Variants in PDXDC1 observed in about 807,000 individuals in gnomAD.
PDXDC1 encodes pyridoxal dependent decarboxylase domain containing 1.
Under a neutral mutation model 100.1 loss-of-function variants are expected in PDXDC1, and 42 were observed. That is an observed-to-expected ratio of 0.42 (90% confidence interval 0.33 to 0.54). PDXDC1 has a LOEUF of 0.54. Among genes scored for constraint, PDXDC1 ranks in the 20% least tolerant of loss-of-function variants. The pLI is 0.10. For synonymous variants in PDXDC1, 260 were observed against 371.7 expected (o/e 0.70, Z 3.46); for missense variants, 636 against 979.2 (o/e 0.65, Z 4.68).
intron 3 of PDXDC1, among the ~76,000 whole-genome samples, chr16:15,000,597 G>T (rs1183345104): frequency 6.6e-6 from 1 of 152,292 alleles, no homozygotes; most frequent in African/African-American, 2.4e-5. Flanking sequence ...CCTGTTGCAA[G>T]TTGCCTTGCC....
chr16:15,017,685 C>T (rs1408438558), intron 11 of PDXDC1, among the ~76,000 whole-genome samples: 2 of 152,222 alleles, frequency 1.3e-5, no homozygotes, highest in Non-Finnish European at 2.9e-5. Context: ...AAGCAGTGAA[C>T]GTCTTTCTGT....
chr16:14,980,049 TTATC>T (rs1408951683), intron 1 of PDXDC1, among the ~76,000 whole-genome samples: 1 of 152,300 alleles, frequency 6.6e-6, no homozygotes, highest in Non-Finnish European at 1.5e-5. Flanking sequence ...CTGTAAATGA[TTATC>T]TAATACTGGC....
chr16:15,095,985 G>T (rs949333140), intron 16 of PDXDC1, among the ~76,000 whole-genome samples: 3 of 151,954 alleles, frequency 2.0e-5, no homozygotes, highest in African/African-American at 7.3e-5. Flanking sequence ...AACTGAGGAC[G>T]GAGGATCACT....
At chr16:15,146,711 C>G in the PDXDC1 span, among the ~76,000 whole-genome samples, 1 of 152,156 alleles carries the variant, frequency 6.6e-6, no homozygotes, top group Non-Finnish European at 1.5e-5. Flanking sequence ...CTCTCACCCT[C>G]AGGCTGTTAC....
At chr16:15,085,567 C>G in intron 16 of PDXDC1, 1 of 1,580,916 alleles carries the variant, frequency 6.3e-7, no homozygotes, top group Non-Finnish European at 8.6e-7. Context: ...ATCCTCCCGT[C>G]TTGGCTTCCC....
intron 16 of PDXDC1, chr16:15,104,270 T>C (rs2046679900): frequency 2.7e-5 from 37 of 1,390,026 alleles, no homozygotes; most frequent in Non-Finnish European, 3.4e-5. Flanking sequence ...CAGGCAATCA[T>C]ACCAGATATT....
chr16:15,069,498 T>C (rs1163438919), intron 16 of PDXDC1, among the ~76,000 whole-genome samples: 1 of 152,226 alleles, frequency 6.6e-6, no homozygotes, highest in Non-Finnish European at 1.5e-5. Context: ...CAGATTTGAA[T>C]TATAAGTAAC....
chr16:15,101,926 G>T (rs1424819451), intron 16 of PDXDC1, among the ~76,000 whole-genome samples: 1 of 151,718 alleles, frequency 6.6e-6, no homozygotes, highest in Non-Finnish European at 1.5e-5. Context: ...TTGGCTCACC[G>T]CAACCTCCAC....
intron 3 of PDXDC1, among the ~76,000 whole-genome samples, chr16:14,998,644 T>C (rs1972515380): frequency 6.6e-6 from 1 of 152,286 alleles, no homozygotes; most frequent in Non-Finnish European, 1.5e-5. Context: ...AGATGGGATT[T>C]TGCCATGTTG....
rs1296515903 is a variant in PDXDC1, at chr16:14,984,491, A to T, written c.21+9271A>T. On this transcript the variant is annotated intron_variant, in intron 1 of 22. Transcript: ENST00000396410. Reference sequence around the variant, plus strand: ...TGTGTGTATACATATATATATATATATATATTTTTTTTTTTTTTTTTTCTG... The same window carrying T: ...TGTGTGTATACATATATATATATATTTATATTTTTTTTTTTTTTTTTTCTG... Among the ~76,000 whole-genome samples, 364 of 93,596 alleles carry T rather than the reference A, an allele frequency of 3.9e-3. 3 individuals carry two copies. Among genetic ancestry groups the T allele is most frequent in the African/African-American group, 0.014 (351 of 25,080 alleles). 61.4% of individuals were successfully genotyped at this position (93,596 alleles called of 152,430 possible).
downstream of PDXDC1, among the ~76,000 whole-genome samples, chr16:15,038,935 T>G (rs1256891446): frequency 6.6e-6 from 1 of 152,162 alleles, no homozygotes; most frequent in African/African-American, 2.4e-5. Flanking sequence ...TTTTTCCCAT[T>G]TGGGGTGAAA....
intron 16 of PDXDC1, among the ~76,000 whole-genome samples, chr16:15,031,094 G>A (rs1273883234): frequency 1.3e-5 from 2 of 150,760 alleles, no homozygotes; most frequent in Non-Finnish European, 2.9e-5. Flanking sequence ...GGGACTACAG[G>A]CGAGCACCAC....
At chr16:14,978,321 C>G (rs1283341899) in intron 1 of PDXDC1, among the ~76,000 whole-genome samples, 3 of 152,286 alleles carry the variant, frequency 2.0e-5, no homozygotes, top group Non-Finnish European at 4.4e-5. Flanking sequence ...AAGGAAAATG[C>G]CACAGGAAGT....
chr16:14,986,272 AC>A (rs1238158449), intron 1 of PDXDC1, among the ~76,000 whole-genome samples: 3 of 152,274 alleles, frequency 2.0e-5, no homozygotes, highest in Non-Finnish European at 2.9e-5. Flanking sequence ...CAGGAGTTTG[AC>A]CCGGCCAACA....
intron 7 of PDXDC1, 100 bp downstream of exon 7, chr16:15,008,947 TACTC>T: frequency 9.0e-7 from 1 of 1,108,428 alleles, no homozygotes; most frequent in Non-Finnish European, 1.4e-6. Context: ...ATTAGTAACT[TACTC>T]ATGTATTGCT....
chr16:15,008,268 ATTAAG>A (rs2040955067), intron 6 of PDXDC1, among the ~76,000 whole-genome samples: 1 of 152,292 alleles, frequency 6.6e-6, no homozygotes, highest in South Asian at 2.1e-4. Context: ...AGAATATAAA[ATTAAG>A]TTGACAATCA....
At chr16:15,145,855 G>A in the PDXDC1 span, among the ~76,000 whole-genome samples, 14 of 152,246 alleles carry the variant, frequency 9.2e-5, no homozygotes, top group Non-Finnish European at 1.5e-4. Context: ...AGACGGCAGC[G>A]GGCTGTTTTC....
chr16:15,013,771 A>T (rs1486450361), intron 8 of PDXDC1, among the ~76,000 whole-genome samples: 2 of 150,820 alleles, frequency 1.3e-5, no homozygotes, highest in Non-Finnish European at 2.9e-5. Flanking sequence ...GCTACTTGGG[A>T]GGCTGAGGCA....
At chr16:15,127,473 G>A in intron 16 of PDXDC1, 3 of 1,565,546 alleles carry the variant, frequency 1.9e-6, no homozygotes, top group Non-Finnish European at 2.6e-6. Context: ...AGCCCACCTT[G>A]CTCCGGGACA....
Sources: allele counts gnomAD v4.1 joint callset (sites outside exome capture counted in the v4.1 genomes callset), GRCh38; gene constraint gnomAD v4.1.1; transcripts MANE v1.5; gene names NCBI Gene and HGNC (gene_info 2026-07-23, HGNC 2026-07-21).